Variants in METTL25 observed in about 807,000 individuals in gnomAD.
METTL25 encodes probable methyltransferase-like protein 25.
METTL25 carries 64 observed loss-of-function variants against 71.6 expected under a neutral mutation model. The observed-to-expected ratio is 0.89, with a 90% confidence interval of 0.73 to 1.10. The LOEUF is 1.10. Ranked by LOEUF, METTL25 falls within the 50% of genes least tolerant of loss-of-function variation. The pLI is 0.00. For synonymous variants in METTL25, 287 were observed against 250.3 expected (o/e 1.15, Z -1.38); for missense variants, 807 against 707.0 (o/e 1.14, Z -1.60).
At chr12:82,386,444 TCCCTCCCTCC>T (rs1885014020) in intron 1 of METTL25, among the ~76,000 whole-genome samples, 1 of 58,790 alleles carries the variant, frequency 1.7e-5, no homozygotes, top group African/African-American at 6.9e-5. Flanking sequence ...CCTCCCTCCC[TCCCTCCCTCC>T]CTCTCTCTCT....
chr12:82,446,858 CTG>C (rs1890788699), intron 8 of METTL25, among the ~76,000 whole-genome samples: 1 of 151,896 alleles, frequency 6.6e-6, no homozygotes, highest in African/African-American at 2.4e-5. Flanking sequence ...CTCAGGTGAT[CTG>C]CCTGCCTCGG....
chr12:82,410,013 A>G (rs1887429487), intron 5 of METTL25, among the ~76,000 whole-genome samples: 1 of 152,008 alleles, frequency 6.6e-6, no homozygotes, highest in African/African-American at 2.4e-5. Context: ...TATGTAGATC[A>G]TTATCTTTAC....
intron 8 of METTL25, among the ~76,000 whole-genome samples, chr12:82,439,581 T>A (rs1389390799): frequency 6.6e-6 from 1 of 151,844 alleles, no homozygotes; most frequent in Non-Finnish European, 1.5e-5. Flanking sequence ...AAATATCCAC[T>A]TTTTACGGAT....
intron 4 of METTL25, among the ~76,000 whole-genome samples, chr12:82,399,630 A>C (rs969924257): frequency 6.6e-6 from 1 of 152,164 alleles, no homozygotes; most frequent in African/African-American, 2.4e-5. Flanking sequence ...AAGTCCTGGC[A>C]CAAAAGCTAG....
intron 4 of METTL25, among the ~76,000 whole-genome samples, chr12:82,401,886 T>C (rs891716932): frequency 3.9e-5 from 6 of 152,090 alleles, no homozygotes; most frequent in African/African-American, 1.4e-4. Flanking sequence ...ATTAGAAATT[T>C]TTTAGTTCCA....
intron 9 of METTL25, among the ~76,000 whole-genome samples, chr12:82,472,903 C>G (rs1380621411): frequency 1.3e-5 from 2 of 152,096 alleles, no homozygotes; most frequent in Non-Finnish European, 2.9e-5. Flanking sequence ...TGATGTGTCC[C>G]TACATTGGTT....
At chr12:82,442,596 C>T (rs1177570837) in intron 8 of METTL25, among the ~76,000 whole-genome samples, 1 of 152,014 alleles carries the variant, frequency 6.6e-6, no homozygotes, top group Non-Finnish European at 1.5e-5. Context: ...GCAGGAAGTG[C>T]ATATGGCTGT....
At chr12:82,475,757 A>G (rs2137317641) in intron 9 of METTL25, among the ~76,000 whole-genome samples, 1 of 152,250 alleles carries the variant, frequency 6.6e-6, no homozygotes, top group Non-Finnish European at 1.5e-5. Context: ...GTTATGTAAT[A>G]CTTATTTATA....
At chr12:82,382,643 A>T (rs1227186101) in intron 1 of METTL25, among the ~76,000 whole-genome samples, 1 of 152,260 alleles carries the variant, frequency 6.6e-6, no homozygotes, top group African/African-American at 2.4e-5. Flanking sequence ...AATAGATATC[A>T]TAATAAGATT....
At chr12:82,422,290 C>T (rs1266611909) in intron 5 of METTL25, among the ~76,000 whole-genome samples, 1 of 152,096 alleles carries the variant, frequency 6.6e-6, no homozygotes, top group African/African-American at 2.4e-5. Flanking sequence ...GAACCAAAGA[C>T]AAAAACCACA....
chr12:82,360,958 C>T (rs889637114), intron 1 of METTL25, among the ~76,000 whole-genome samples: 4 of 152,176 alleles, frequency 2.6e-5, no homozygotes, highest in East Asian at 1.9e-4. Context: ...GTGAGTGTTA[C>T]AGCTCACAAA....
intron 7 of METTL25, among the ~76,000 whole-genome samples, chr12:82,436,965 T>A (rs1213701658): frequency 2.6e-5 from 4 of 151,622 alleles, no homozygotes; most frequent in Non-Finnish European, 3.0e-5. Flanking sequence ...GGAATAGGTA[T>A]TAATATTGAA....
chr12:82,429,943 TA>T (rs1889355059), intron 5 of METTL25, among the ~76,000 whole-genome samples: 1 of 151,586 alleles, frequency 6.6e-6, no homozygotes, highest in South Asian at 2.1e-4. Flanking sequence ...GCTATGATTG[TA>T]AAAGTTAAAC....
Position 82,433,551 on chromosome 12 carries a change from C to T in METTL25, c.1375-1144C>T, listed in dbSNP as rs148084376. The stretch of plus-strand genomic sequence containing the variant: ...TTCATGCAATGAACTCTTTTTCCCA[C>T]TAACTCCACATGGTGTGAGGGCATG... On this transcript the variant is annotated intron_variant, in intron 6 of 11. Transcript: ENST00000248306. Among the ~76,000 whole-genome samples the T allele has an allele frequency of 7.2e-4, 109 of 151,698 alleles. 2 individuals carry two copies. In the East Asian group the frequency reaches 0.02, roughly 28 times the overall value.
At chr12:82,418,380 A>G (rs1354924849) in intron 5 of METTL25, among the ~76,000 whole-genome samples, 2 of 152,092 alleles carry the variant, frequency 1.3e-5, no homozygotes, top group Non-Finnish European at 2.9e-5. Context: ...GTAGTACTAA[A>G]TCATGACTGC....
At chr12:82,387,398 A>C (rs1394931206) in intron 2 of METTL25, among the ~76,000 whole-genome samples, 1 of 152,050 alleles carries the variant, frequency 6.6e-6, no homozygotes, top group Non-Finnish European at 1.5e-5. Context: ...AAAAAAACAA[A>C]TATGATAATG....
At chr12:82,458,910 G>A (rs561076496) in intron 9 of METTL25, among the ~76,000 whole-genome samples, 3 of 152,110 alleles carry the variant, frequency 2.0e-5, no homozygotes, top group South Asian at 4.2e-4. Flanking sequence ...GTAAAAATAC[G>A]GAGAAGCACT....
At chr12:82,421,522 A>G (rs1468272780) in intron 5 of METTL25, among the ~76,000 whole-genome samples, 2 of 152,138 alleles carry the variant, frequency 1.3e-5, no homozygotes, top group East Asian at 1.9e-4. Context: ...TGAAATATCC[A>G]TTTGGAAATG....
intron 5 of METTL25, among the ~76,000 whole-genome samples, chr12:82,425,725 T>G (rs909232949): frequency 2.0e-5 from 3 of 152,172 alleles, no homozygotes; most frequent in Admixed American, 6.6e-5. Context: ...CATTACCAAG[T>G]TAGTAGCTAA....
Sources: gnomAD v4.1 joint callset for allele counts (sites outside exome capture counted in the v4.1 genomes callset) on GRCh38, gnomAD v4.1.1 for gene constraint, MANE v1.5 for transcripts, NCBI Gene and HGNC (gene_info 2026-07-23, HGNC 2026-07-21) for gene names.